Variants in RBBP8 observed in about 807,000 individuals in gnomAD.
The protein encoded by RBBP8 is RB binding protein 8, endonuclease.
In RBBP8, 88 loss-of-function variants were observed where a neutral mutation model predicts 108.3. The observed-to-expected ratio is 0.81, with a 90% CI of 0.68 to 0.97. The LOEUF is 0.97. Ranked by LOEUF, RBBP8 falls within the 50% of genes least tolerant of loss-of-function variation. The pLI is 0.00. For missense variants in RBBP8, 1,023 were observed against 1,049.0 expected (o/e 0.98, Z 0.34); for synonymous variants, 332 against 348.2 (o/e 0.95, Z 0.52).
At chr18:23,012,207 CCAAAAAAA>C (rs1349425090) in intron 16 of RBBP8, among the ~76,000 whole-genome samples, 2,091 of 81,218 alleles carry the variant, frequency 0.026, 119 homozygotes, top group African/African-American at 0.093. Context: ...GATGCTGTCT[CCAAAAAAA>C]AAAAAAAAAA....
chr18:23,006,557 A>C (rs547407536), intron 16 of RBBP8, 125 bp downstream of exon 16: 1 of 832,756 alleles, frequency 1.2e-6, no homozygotes, highest in Non-Finnish European at 2.0e-6. Flanking sequence ...GCTAGAGTGC[A>C]ATGGCGTAAA....
At chr18:22,974,498 G>A (rs1463550601) in intron 5 of RBBP8, among the ~76,000 whole-genome samples, 3 of 152,086 alleles carry the variant, frequency 2.0e-5, no homozygotes, top group East Asian at 1.9e-4. Context: ...GAGACTCTCC[G>A]CCACCCAGGC....
At chr18:22,928,391 A>G (rs987150900), upstream of RBBP8, among the ~76,000 whole-genome samples, 2 of 152,182 alleles carry the variant, frequency 1.3e-5, no homozygotes, top group African/African-American at 4.8e-5. Flanking sequence ...AGGAAGGATG[A>G]AGAGAGATGT....
intron 14 of RBBP8, among the ~76,000 whole-genome samples, chr18:22,998,449 TAGG>T (rs2045895916): frequency 6.6e-6 from 1 of 152,200 alleles, no homozygotes; most frequent in South Asian, 2.1e-4. Flanking sequence ...ATGAGAACAA[TAGG>T]AGGATTTTGG....
intron 4 of RBBP8, among the ~76,000 whole-genome samples, chr18:22,968,370 CAATGATTGGCAAATA>C (rs1398688568): frequency 2.0e-5 from 3 of 152,094 alleles, no homozygotes; most frequent in Non-Finnish European, 4.4e-5. Context: ...TGTGCCCTGC[CAATGATTGGCAAATA>C]AATTTTGATG....
intron 4 of RBBP8, 127 bp downstream of exon 4, chr18:22,949,840 A>G (rs917194058): frequency 1.5e-6 from 1 of 679,986 alleles, no homozygotes; most frequent in Non-Finnish European, 2.6e-6. Flanking sequence ...TCACCTTTGA[A>G]TGAATACTTT....
At chr18:22,922,941 T>A (rs995987207) in intron 3 of RBBP8, among the ~76,000 whole-genome samples, 7 of 152,170 alleles carry the variant, frequency 4.6e-5, no homozygotes, top group Non-Finnish European at 1.0e-4. Context: ...ATTATGTAAA[T>A]CAAGATAATA....
intron 3 of RBBP8, among the ~76,000 whole-genome samples, chr18:22,949,093 A>G (rs1911812041): frequency 6.6e-6 from 1 of 152,218 alleles, no homozygotes; most frequent in Non-Finnish European, 1.5e-5. Context: ...ATATTAATGT[A>G]TCTACACTTG....
intron 4 of RBBP8, among the ~76,000 whole-genome samples, chr18:22,958,759 C>G (rs1194975283): frequency 6.6e-6 from 1 of 152,160 alleles, no homozygotes; most frequent in Non-Finnish European, 1.5e-5. Context: ...CCAGGCTTGT[C>G]TTGAACTCCT....
In RBBP8 at chr18:22,993,445, G is replaced by C. The variant is rs376031892; in HGVS notation, c.1618G>C (p.Asp540His). 6.7e-5 allele frequency: 108 copies of C among 1,614,130 alleles called. No homozygotes were observed. The highest frequency in any genetic ancestry group is 8.6e-5 in the Non-Finnish European group (101 of 1,180,048). Residue 540 changes from aspartate to histidine, a missense_variant, in exon 11 of 19, where the codon GAT (aspartate) becomes CAT (histidine). Transcript: ENST00000327155. Reference protein sequence around the residue: ...KGFSSSRKASDGNCTLPKDSP... With the variant: ...KGFSSSRKASHGNCTLPKDSP... ...CTTTTCCTCAAGCCGTAAGGCCTCA[G>C]ATGGCAACTGCACGTTGCCCAAAGA...
At chr18:22,990,870 A>G (rs746276536) in intron 9 of RBBP8, 67 bp from the exon 10 acceptor site, 54 of 1,185,486 alleles carry the variant, frequency 4.6e-5, no homozygotes, top group Non-Finnish European at 6.5e-5. Flanking sequence ...ATATATCAGT[A>G]CTTCATCCCT....
At chr18:22,999,516 CAT>C (rs2045911949) in intron 14 of RBBP8, among the ~76,000 whole-genome samples, 2 of 152,046 alleles carry the variant, frequency 1.3e-5, no homozygotes, top group Admixed American at 6.6e-5. Context: ...TCAGAGGTAA[CAT>C]AGTGTCACAA....
At position 22,993,390 on chromosome 18, in the gene RBBP8, T is replaced by C; in HGVS notation, c.1563T>C (p.Leu521=). 1 of 1,614,206 alleles carries C rather than the reference T, an allele frequency of 6.2e-7. No individual in the cohort carries two copies. ...AAAACAAATTTAGGCAAGTGACTCT[T>C]TATGAGGCTTTGAAGACCATTCCAA... The part of the protein sequence containing the change: ...TSKNKFRQVT[L]YEALKTIPKG... Residue 521 remains leucine, a synonymous_variant, in exon 11 of 19, where the codon CTT becomes CTC. Coordinates refer to ENST00000327155, the MANE Select transcript of RBBP8 (RefSeq NM_002894.3).
intron 3 of RBBP8, among the ~76,000 whole-genome samples, chr18:22,948,131 A>G (rs959301210): frequency 1.3e-5 from 2 of 152,222 alleles, no homozygotes; most frequent in East Asian, 3.9e-4. Flanking sequence ...ACTGTATTTT[A>G]TGATACAGAT....
intron 3 of RBBP8, among the ~76,000 whole-genome samples, chr18:22,922,776 T>C (rs1339139259): frequency 6.6e-6 from 1 of 152,184 alleles, no homozygotes; most frequent in Non-Finnish European, 1.5e-5. Context: ...ATAAATAATT[T>C]CTTATAACCA....
intron 1 of RBBP8, among the ~76,000 whole-genome samples, chr18:22,936,440 A>T (rs575969198): frequency 3.2e-4 from 49 of 152,282 alleles, no homozygotes; most frequent in Admixed American, 1.6e-3. Flanking sequence ...ATTAATACTG[A>T]CCATGAATGA....
chr18:23,025,872 T>C (rs2144872834), intron 18 of RBBP8, among the ~76,000 whole-genome samples: 1 of 152,316 alleles, frequency 6.6e-6, no homozygotes. Flanking sequence ...TATTACCTCA[T>C]CTGTCAAACA....
At chr18:22,987,561 C>T (rs534030189) in intron 8 of RBBP8, among the ~76,000 whole-genome samples, 1 of 152,262 alleles carries the variant, frequency 6.6e-6, no homozygotes, top group African/African-American at 2.4e-5. Flanking sequence ...TCAAGTGATC[C>T]TCCCACCTCA....
At chr18:23,025,135 C>A (rs2046432419) in intron 18 of RBBP8, among the ~76,000 whole-genome samples, 1 of 151,870 alleles carries the variant, frequency 6.6e-6, no homozygotes, top group Admixed American at 6.6e-5. Flanking sequence ...GCCTGTGGTC[C>A]CAGCAGTAAC....
Sources: gnomAD v4.1 joint callset for allele counts (sites outside exome capture counted in the v4.1 genomes callset) on GRCh38, gnomAD v4.1.1 for gene constraint, MANE v1.5 for transcripts, NCBI Gene and HGNC (gene_info 2026-07-23, HGNC 2026-07-21) for gene names.